The following HNF4G variants were observed in gnomAD, a reference collection of about 807,000 sequenced individuals.
The protein encoded by HNF4G is hepatocyte nuclear factor 4-gamma.
HNF4G carries 21 observed loss-of-function variants against 50.9 expected under a neutral mutation model. The observed-to-expected ratio is 0.41, with a 90% CI of 0.29 to 0.59. The LOEUF (loss-of-function observed/expected upper bound fraction) is 0.59. HNF4G is among the 20% of genes least tolerant of loss of function. The pLI, the probability that HNF4G is intolerant of heterozygous loss-of-function variation, is 0.26. For synonymous variants in HNF4G, 198 were observed against 185.6 expected (o/e 1.07, Z -0.54); for missense variants, 527 against 559.4 (o/e 0.94, Z 0.58).
chr8:75,540,851 A>G (rs868825307), intron 1 of HNF4G, among the ~76,000 whole-genome samples: 4,502 of 146,428 alleles, frequency 0.031, 201 homozygotes, highest in African/African-American at 0.098. Context: ...GAAAATGTGT[A>G]TGTGTGTGTG....
intron 1 of HNF4G, among the ~76,000 whole-genome samples, chr8:75,429,089 G>A (rs889212001): frequency 2.2e-4 from 34 of 152,158 alleles, no homozygotes; most frequent in African/African-American, 6.3e-4. Flanking sequence ...GCAAGTGTGC[G>A]AGAAATTCCT....
At chr8:75,493,807 T>C (rs1420698192) in intron 2 of HNF4G, among the ~76,000 whole-genome samples, 1 of 152,186 alleles carries the variant, frequency 6.6e-6, no homozygotes, top group Non-Finnish European at 1.5e-5. Flanking sequence ...GTTAATTTTA[T>C]TAAGCCTGAT....
intron 1 of HNF4G, among the ~76,000 whole-genome samples, chr8:75,414,758 T>A (rs1318409516): frequency 6.6e-6 from 1 of 152,262 alleles, no homozygotes; most frequent in Non-Finnish European, 1.5e-5. Flanking sequence ...AATAGCATAA[T>A]GTTGTATAGA....
At chr8:75,547,319 A>G (rs1585944279) in intron 2 of HNF4G, among the ~76,000 whole-genome samples, 1 of 152,370 alleles carries the variant, frequency 6.6e-6, no homozygotes, top group African/African-American at 2.4e-5. Context: ...TTTGGCTTTC[A>G]TGACTCATGA....
chr8:75,499,921 A>G (rs887186136), intron 2 of HNF4G, among the ~76,000 whole-genome samples: 13 of 152,110 alleles, frequency 8.5e-5, no homozygotes, highest in African/African-American at 3.1e-4. Context: ...TGCAACTGCT[A>G]AAACTATCAA....
At chr8:75,530,392 G>A (rs1563542903) in intron 2 of HNF4G, among the ~76,000 whole-genome samples, 1 of 150,740 alleles carries the variant, frequency 6.6e-6, no homozygotes, top group Non-Finnish European at 1.5e-5. Context: ...ACTCAGGCAG[G>A]CAGATCTGGA....
chr8:75,437,787 C>T (rs1034495583), intron 1 of HNF4G, among the ~76,000 whole-genome samples: 6 of 151,820 alleles, frequency 4.0e-5, no homozygotes, highest in Admixed American at 1.3e-4. Flanking sequence ...TCATTAGATT[C>T]GGTAGACATA....
At position 75,564,300 on chromosome 8, in the gene HNF4G, C is replaced by T. The variant is rs985103050; in HGVS notation, c.*204C>T. 9.6e-6 allele frequency: 5 copies of T among 521,544 alleles called. No individual in the cohort carries two copies. The African/African-American group carries it at 9.6e-5, about 10-fold the overall frequency. 32.3% of individuals were successfully genotyped at this position (521,544 alleles called of 1,614,324 possible). On this transcript the variant is annotated 3_prime_UTR_variant, in exon 10 of 10. Coordinates refer to ENST00000396423, the MANE Select transcript of HNF4G (RefSeq NM_004133.5). ...ACTTTCACATGCAACCAATGTATATCTGAGTTTGAAGATGTTTATATAGGG... is the reference window on the plus strand; with the variant it reads ...ACTTTCACATGCAACCAATGTATATTTGAGTTTGAAGATGTTTATATAGGG...
At chr8:75,484,885 C>T (rs1812463703) in intron 1 of HNF4G, among the ~76,000 whole-genome samples, 1 of 152,296 alleles carries the variant, frequency 6.6e-6, no homozygotes, top group African/African-American at 2.4e-5. Flanking sequence ...ATATTTATTA[C>T]ATTTTATGGA....
Position 75,566,328 on chromosome 8 carries a change from T to G in HNF4G, c.*2232T>G, listed in dbSNP as rs898887539. 2.0e-5 allele frequency: 3 copies of G among 152,218 alleles called. No homozygotes were observed. Among genetic ancestry groups the G allele is most frequent in the African/African-American group, 7.2e-5 (3 of 41,448 alleles). 9.4% of individuals were successfully genotyped at this position (152,218 alleles called of 1,614,324 possible). A position where few individuals can be genotyped will look rare whatever the true frequency, so the allele number is the denominator to read the frequency against. On this transcript the variant is annotated 3_prime_UTR_variant, in exon 10 of 10. Coordinates refer to ENST00000396423, the MANE Select transcript of HNF4G (RefSeq NM_004133.5). Reference sequence around the variant, plus strand: ...CTCCTAATACCATCACTCTGGGGACTAGGTGTCAGCATGTGAATTTTGGAA... The same window carrying G: ...CTCCTAATACCATCACTCTGGGGACGAGGTGTCAGCATGTGAATTTTGGAA...
chr8:75,555,936 C>T, intron 5 of HNF4G, 46 bp from the exon 6 acceptor site: 1 of 1,044,854 alleles, frequency 9.6e-7, no homozygotes, highest in Non-Finnish European at 1.4e-6. Context: ...ATCTTTTAAT[C>T]ATTATATATT....
intron 1 of HNF4G, among the ~76,000 whole-genome samples, chr8:75,542,633 C>T (rs968359926): frequency 3.3e-5 from 5 of 150,378 alleles, no homozygotes; most frequent in Non-Finnish European, 7.4e-5. Context: ...GGGAGTTTTA[C>T]GGGGGTTTGA....
intron 1 of HNF4G, among the ~76,000 whole-genome samples, chr8:75,489,726 A>G (rs973239851): frequency 6.6e-6 from 1 of 152,220 alleles, no homozygotes; most frequent in African/African-American, 2.4e-5. Flanking sequence ...TGCTCTTCCA[A>G]GGTGAAATCA....
At chr8:75,485,459 A>G (rs1054631549) in intron 1 of HNF4G, among the ~76,000 whole-genome samples, 1 of 152,186 alleles carries the variant, frequency 6.6e-6, no homozygotes, top group Non-Finnish European at 1.5e-5. Flanking sequence ...GTAAAATTCT[A>G]TGTAAAAAAC....
intron 5 of HNF4G, 136 bp downstream of exon 5, chr8:75,553,333 G>A: frequency 1.4e-6 from 1 of 708,286 alleles, no homozygotes; most frequent in African/African-American, 1.8e-5. Flanking sequence ...GGAAGGATTG[G>A]GTTTCCTTAC....
At chr8:75,473,387 T>G (rs1297779041) in intron 1 of HNF4G, among the ~76,000 whole-genome samples, 3 of 152,234 alleles carry the variant, frequency 2.0e-5, no homozygotes, top group African/African-American at 7.2e-5. Context: ...TATGCTTGTA[T>G]GTACACTTGG....
intron 1 of HNF4G, among the ~76,000 whole-genome samples, chr8:75,416,095 TGTTA>T (rs1189271467): frequency 6.6e-6 from 1 of 152,374 alleles, no homozygotes; most frequent in East Asian, 1.9e-4. Context: ...TAAAATGATA[TGTTA>T]GTTAATTTGT....
At chr8:75,458,785 A>T (rs1778088807) in intron 1 of HNF4G, among the ~76,000 whole-genome samples, 1 of 152,078 alleles carries the variant, frequency 6.6e-6, no homozygotes, top group Admixed American at 6.6e-5. Context: ...TTTTCATCTC[A>T]TGTGTGTTTT....
At chr8:75,524,222 A>C (rs2130751977) in intron 2 of HNF4G, among the ~76,000 whole-genome samples, 1 of 152,296 alleles carries the variant, frequency 6.6e-6, no homozygotes, top group South Asian at 2.1e-4. Context: ...TGAATGATGT[A>C]AATATTATAC....
Sources: gnomAD v4.1 joint callset for allele counts (sites outside exome capture counted in the v4.1 genomes callset) on GRCh38, gnomAD v4.1.1 for gene constraint, MANE v1.5 for transcripts, NCBI Gene and HGNC (gene_info 2026-07-23, HGNC 2026-07-21) for gene names.